Variants in NRP1 observed in about 807,000 individuals in gnomAD.
NRP1 encodes the protein neuropilin 1, also known as neuropilin-1.
In NRP1, 35 loss-of-function variants were observed where a neutral mutation model predicts 106.7. The ratio of observed to expected loss-of-function variants is 0.33; its 90% CI spans 0.25 to 0.43. The LOEUF (loss-of-function observed/expected upper bound fraction) is 0.43, where lower values mean the gene tolerates loss of function less well. NRP1 is among the 20% of genes least tolerant of loss of function. The probability of loss-of-function intolerance (pLI) is 1.00; values close to 1 mark genes in which losing one functional copy is unlikely to be tolerated. For synonymous variants in NRP1, 437 were observed against 417.9 expected (o/e 1.05, Z -0.56); for missense variants, 1,024 against 1,170.4 (o/e 0.87, Z 1.83).
chr10:33,256,593 G>C (rs755085157), intron 4 of NRP1, 122 bp from the exon 5 acceptor site: 43 of 1,027,148 alleles, frequency 4.2e-5, no homozygotes, highest in Non-Finnish European at 5.5e-5. Flanking sequence ...CCAAAGCAAG[G>C]CTTCCCTAAG....
At chr10:33,325,977 C>A (rs1847864117) in intron 2 of NRP1, among the ~76,000 whole-genome samples, 1 of 152,156 alleles carries the variant, frequency 6.6e-6, no homozygotes, top group Non-Finnish European at 1.5e-5. Context: ...TTGAGTCCCC[C>A]AATGCTACCA....
chr10:33,221,852 T>G lies in NRP1; in HGVS notation c.1149A>C (p.Gly383=), dbSNP rs1367748776. Residue 383 remains glycine, a synonymous_variant, in exon 8 of 17, where the codon GGA becomes GGC. Coordinates refer to ENST00000374867, the MANE Select transcript of NRP1 (RefSeq NM_003873.7). ...CCACAACATCTGTGGGGTTGGTGTT[T>G]CCCTGAAAGAGCTGTATGGGGAAAA... ...KEGNKPVLFQ[G]NTNPTDVVVA... 6.2e-7 allele frequency: 1 copy of G among 1,611,446 alleles called. No individual in the cohort carries two copies. The highest frequency in any genetic ancestry group is 1.1e-5 in the South Asian group (1 of 90,958).
At chr10:33,235,872 C>T (rs2300944) in intron 6 of NRP1, among the ~76,000 whole-genome samples, 19,299 of 152,172 alleles carry the variant, frequency 0.13, 1,626 homozygotes, top group East Asian at 0.51. Context: ...AGACATACGC[C>T]GACCTGTGAA....
Position 33,209,522 on chromosome 10 carries a change from G to C in NRP1, c.1615-1806C>G, listed in dbSNP as rs563841094. On this transcript the variant is annotated intron_variant, in intron 9 of 16. Coordinates refer to ENST00000374867, the MANE Select transcript of NRP1 (RefSeq NM_003873.7). Reference sequence around the variant, plus strand: ...GATGGAGTCTTGCTCTGTCACCAAGGCTGGAGTGCAGTGGTGCGATCTCAG... The same window carrying C: ...GATGGAGTCTTGCTCTGTCACCAAGCCTGGAGTGCAGTGGTGCGATCTCAG... Among the ~76,000 whole-genome samples, 4 of 152,236 alleles carry C rather than the reference G, an allele frequency of 2.6e-5. No homozygotes were observed. The East Asian group carries it at 7.7e-4, about 29-fold the overall frequency.
intron 5 of NRP1, among the ~76,000 whole-genome samples, chr10:33,255,679 T>G (rs1842149916): frequency 6.6e-6 from 1 of 152,146 alleles, no homozygotes; most frequent in African/African-American, 2.4e-5. Flanking sequence ...CTCCAACTCC[T>G]GGCCTCAAGC....
intron 2 of NRP1, among the ~76,000 whole-genome samples, chr10:33,286,805 C>G (rs1479086700): frequency 1.3e-5 from 2 of 152,058 alleles, no homozygotes; most frequent in Non-Finnish European, 2.9e-5. Context: ...CTCCGCCCCC[C>G]CACCCAAGCA....
chr10:33,333,555 C>T (rs897314207), intron 1 of NRP1, among the ~76,000 whole-genome samples: 2 of 152,206 alleles, frequency 1.3e-5, no homozygotes, highest in Non-Finnish European at 2.9e-5. Context: ...ATTGCATACC[C>T]TTGCCTGCAC....
intron 2 of NRP1, among the ~76,000 whole-genome samples, chr10:33,310,494 A>C (rs992865172): frequency 6.8e-6 from 1 of 146,204 alleles, no homozygotes; most frequent in Non-Finnish European, 1.5e-5. Context: ...CAAGTGATTC[A>C]CTCGACTTGG....
At chr10:33,226,802 T>A (rs1839711051) in intron 6 of NRP1, among the ~76,000 whole-genome samples, 1 of 152,238 alleles carries the variant, frequency 6.6e-6, no homozygotes, top group South Asian at 2.1e-4. Context: ...AGAAAATCTT[T>A]GAATCCACCT....
intron 3 of NRP1, among the ~76,000 whole-genome samples, chr10:33,264,799 C>T (rs1842812858): frequency 6.6e-6 from 1 of 152,138 alleles, no homozygotes; most frequent in Admixed American, 6.5e-5. Context: ...GTATTCACTA[C>T]ACAATTCAAA....
chr10:33,240,859 T>A (rs374819096), intron 6 of NRP1, among the ~76,000 whole-genome samples: 7 of 152,302 alleles, frequency 4.6e-5, no homozygotes, highest in African/African-American at 1.7e-4. Flanking sequence ...TCAGAAATTG[T>A]GGGTAAACAG....
chr10:33,222,535 A>ATTTATTTATTTATTTT (rs1213013370), intron 7 of NRP1, among the ~76,000 whole-genome samples: 278 of 120,238 alleles, frequency 2.3e-3, no homozygotes, highest in South Asian at 6.6e-3. Flanking sequence ...TTATTTATTT[A>ATTTATTTATTTATTTT]TTTAAGATGG....
chr10:33,182,041 C>T (rs1835720629), intron 16 of NRP1, among the ~76,000 whole-genome samples: 1 of 152,090 alleles, frequency 6.6e-6, no homozygotes. Context: ...CTGCAGTGAG[C>T]TGAGATCACG....
chr10:33,248,723 A>C (rs1210843392), intron 6 of NRP1, among the ~76,000 whole-genome samples: 1 of 146,642 alleles, frequency 6.8e-6, no homozygotes, highest in Non-Finnish European at 1.5e-5. Context: ...GAGTGGAGAA[A>C]GAAGAGGCTC....
At chr10:33,244,453 T>C (rs1032426611) in intron 6 of NRP1, among the ~76,000 whole-genome samples, 2 of 152,174 alleles carry the variant, frequency 1.3e-5, no homozygotes, top group African/African-American at 4.8e-5. Flanking sequence ...TTCATTAACA[T>C]TTTACTCCCT....
In NRP1 at chr10:33,254,095, C is replaced by T. The variant is rs1174102640; in HGVS notation, c.914G>A (p.Arg305His). The change falls in exon 6 of 17, where the codon CGC (arginine) becomes CAC (histidine). Residue 305 changes from arginine to histidine, a missense_variant. By Grantham distance (29) the Arg-to-His change is conservative. Coordinates refer to ENST00000374867, the MANE Select transcript of NRP1 (RefSeq NM_003873.7). ...ATTCTCAGGGTAGTTCAGGCGGGAG[C>T]GCTCTGCAGACCAGTTGGTGCTATA... ...SQYSTNWSAE[R>H]SRLNYPENGW... 5.6e-6 allele frequency: 9 copies of T among 1,613,808 alleles called. No homozygotes were observed. Among genetic ancestry groups the T allele is most frequent in the South Asian group, 2.2e-5 (2 of 91,072 alleles).
intron 8 of NRP1, among the ~76,000 whole-genome samples, chr10:33,214,781 A>G (rs1010109000): frequency 6.6e-6 from 1 of 152,208 alleles, no homozygotes; most frequent in African/African-American, 2.4e-5. Flanking sequence ...AGAGACAGAA[A>G]GCAAAATGGT....
intron 8 of NRP1, among the ~76,000 whole-genome samples, chr10:33,216,339 T>A (rs1838768976): frequency 6.6e-6 from 1 of 151,944 alleles, no homozygotes; most frequent in African/African-American, 2.4e-5. Flanking sequence ...GGTTTCACAG[T>A]GTTAGCCAGG....
intron 2 of NRP1, among the ~76,000 whole-genome samples, chr10:33,302,426 A>G (rs990153716): frequency 5.3e-5 from 8 of 152,188 alleles, no homozygotes; most frequent in Non-Finnish European, 1.2e-4. Flanking sequence ...AACAGGAAAG[A>G]TTTCCTCTGA....
Sources: allele counts gnomAD v4.1 joint callset (sites outside exome capture counted in the v4.1 genomes callset), GRCh38; gene constraint gnomAD v4.1.1; transcripts MANE v1.5; gene names NCBI Gene and HGNC (gene_info 2026-07-23, HGNC 2026-07-21).